Variants in TLN2 observed in about 807,000 individuals in gnomAD.
TLN2 encodes the protein talin-2.
TLN2 carries 118 observed loss-of-function variants against 294.7 expected under a neutral mutation model. The ratio of observed to expected loss-of-function variants is 0.40; its 90% CI spans 0.34 to 0.47. The LOEUF is 0.47. TLN2 is among the 20% of genes least tolerant of loss of function. The pLI, the probability that TLN2 is intolerant of heterozygous loss-of-function variation, is 0.84. For synonymous variants in TLN2, 1,431 were observed against 1,304.5 expected (o/e 1.10, Z -2.09); for missense variants, 3,083 against 3,282.2 (o/e 0.94, Z 1.48).
chr15:62,705,349 C>A (rs1167783899), intron 19 of TLN2, among the ~76,000 whole-genome samples: 1 of 152,176 alleles, frequency 6.6e-6, no homozygotes, highest in African/African-American at 2.4e-5. Context: ...TATCTCAGAG[C>A]TTTTCTTGAT....
intron 9 of TLN2, among the ~76,000 whole-genome samples, chr15:62,659,942 G>A (rs2053631575): frequency 6.6e-6 from 1 of 152,210 alleles, no homozygotes; most frequent in Non-Finnish European, 1.5e-5. Context: ...GAGTTGGATA[G>A]TCAGGTCCTG....
intron 1 of TLN2, among the ~76,000 whole-genome samples, chr15:62,548,996 C>A (rs1351114614): frequency 6.6e-6 from 1 of 152,148 alleles, no homozygotes; most frequent in Non-Finnish European, 1.5e-5. Flanking sequence ...TAATGGTTTG[C>A]CACTGGTCTT....
intron 27 of TLN2, among the ~76,000 whole-genome samples, chr15:62,726,574 C>A (rs1206906063): frequency 6.6e-6 from 1 of 152,144 alleles, no homozygotes; most frequent in Non-Finnish European, 1.5e-5. Flanking sequence ...CATTTCCTTT[C>A]AGTTGGAACT....
intron 1 of TLN2, among the ~76,000 whole-genome samples, chr15:62,509,532 T>G (rs2039818770): frequency 6.6e-6 from 1 of 152,182 alleles, no homozygotes. Flanking sequence ...GCCTTGAGAT[T>G]GAACTTCTGA....
chr15:62,810,120 C>T, intron 52 of TLN2, 88 bp downstream of exon 52: 3 of 1,106,984 alleles, frequency 2.7e-6, no homozygotes, highest in Non-Finnish European at 4.1e-6. Context: ...CTTGGGAAGA[C>T]CTCTCTCAGA....
At chr15:62,835,422 A>G in intron 55 of TLN2, 1 of 407,500 alleles carries the variant, frequency 2.5e-6, no homozygotes, top group South Asian at 3.2e-5. Flanking sequence ...CAGAGGAGTA[A>G]GTGTAGAAAG....
intron 1 of TLN2, among the ~76,000 whole-genome samples, chr15:62,520,216 G>A (rs1008882249): frequency 6.6e-6 from 1 of 152,218 alleles, no homozygotes; most frequent in Non-Finnish European, 1.5e-5. Context: ...AACCATATCA[G>A]TGTCTAAAAT....
At chr15:62,695,900 G>A (rs1444252022) in intron 14 of TLN2, among the ~76,000 whole-genome samples, 3 of 152,178 alleles carry the variant, frequency 2.0e-5, no homozygotes, top group Non-Finnish European at 4.4e-5. Flanking sequence ...AAGTGTCTGA[G>A]CCCAGAGGGC....
In TLN2 at chr15:62,820,486, G is replaced by A. The variant is rs2067471047; in HGVS notation, c.6878G>A (p.Gly2293Glu). ...ELIQAAEAMKGTEWVDPEDPT... is the reference protein window; with the variant it reads ...ELIQAAEAMKETEWVDPEDPT... ...TCACCTTCTTTTGGACTGATTCTAG[G>A]AACAGAGTGGGTGGATCCAGAAGAC... The change falls in exon 54 of 59, where the codon GGA (glycine) becomes GAA (glutamate). Residue 2293 changes from glycine to glutamate, a missense_variant and splice_region_variant. Gly to Glu is a moderately conservative substitution (Grantham distance 98). Transcript: ENST00000636159. The A allele has an allele frequency of 6.2e-7, 1 of 1,613,824 alleles. No individual in the cohort carries two copies. Among genetic ancestry groups the A allele is most frequent in the Non-Finnish European group, 8.5e-7 (1 of 1,179,858 alleles).
chr15:62,707,017 G>A (rs766051685), intron 19 of TLN2, 69 bp from the exon 20 acceptor site: 4 of 1,473,020 alleles, frequency 2.7e-6, no homozygotes, highest in Middle Eastern at 1.8e-4. Context: ...TTTTAATAAC[G>A]TTTATTTTCA....
At chr15:62,494,120 A>C (rs557851018) in intron 1 of TLN2, among the ~76,000 whole-genome samples, 1 of 152,236 alleles carries the variant, frequency 6.6e-6, no homozygotes, top group South Asian at 2.1e-4. Flanking sequence ...TTTTATCTTC[A>C]GTGCTTTTCA....
intron 1 of TLN2, among the ~76,000 whole-genome samples, chr15:62,418,850 A>G (rs1483500836): frequency 1.3e-5 from 2 of 152,210 alleles, no homozygotes; most frequent in Non-Finnish European, 2.9e-5. Context: ...GCAAATCACA[A>G]TGGTGGAATG....
At chr15:62,644,646 G>A (rs2051607866) in intron 3 of TLN2, 3 of 454,710 alleles carry the variant, frequency 6.6e-6, no homozygotes, top group Admixed American at 2.4e-5. Flanking sequence ...TGCGGACCCC[G>A]CAGCCCCAGG....
At chr15:62,457,228 C>T (rs2036533751) in intron 1 of TLN2, among the ~76,000 whole-genome samples, 2 of 152,210 alleles carry the variant, frequency 1.3e-5, no homozygotes, top group African/African-American at 4.8e-5. Context: ...CAGCTGCCTT[C>T]TGGCTGCATC....
chr15:62,725,577 A>T lies in TLN2; in HGVS notation c.3255+473A>T, dbSNP rs1293450895. Among the ~76,000 whole-genome samples the T allele has an allele frequency of 2.0e-5, 3 of 152,334 alleles. No individual in the cohort carries two copies. In the South Asian group the frequency reaches 6.2e-4, roughly 32 times the overall value. ...TGCTTATGTCAGAGTTTTGTTGGCT[A>T]AAACTTTACCAGTCCTCCTCATTTG... On this transcript the variant is annotated intron_variant, in intron 27 of 58. Coordinates refer to ENST00000636159, the MANE Select transcript of TLN2 (RefSeq NM_015059.3).
intron 46 of TLN2, among the ~76,000 whole-genome samples, chr15:62,793,314 TC>T (rs58537366): frequency 0.2 from 30,995 of 152,188 alleles, 3,802 homozygotes; most frequent in Non-Finnish European, 0.28. Context: ...CAGAAACTTG[TC>T]CTCGGTTTTC....
chr15:62,815,229 A>ACT (rs1567666452), intron 52 of TLN2, among the ~76,000 whole-genome samples: 4 of 121,962 alleles, frequency 3.3e-5, no homozygotes, highest in South Asian at 2.7e-4. Context: ...ACACACACAC[A>ACT]CACTCACTCG....
rs890552345 is a variant in TLN2, at chr15:62,487,649, A to G, written c.-238+96964A>G. Among the ~76,000 whole-genome samples the G allele has an allele frequency of 2.7e-5, 4 of 150,592 alleles. No individual in the cohort carries two copies. The East Asian group carries it at 8.1e-4, about 30-fold the overall frequency. On this transcript the variant is annotated intron_variant, in intron 1 of 58. Transcript: ENST00000636159. ...GGAGTTCAAGACCAGCCTGGGCCAC[A>G]TAGGGAGATCCTGACCCTATAAAAA...
chr15:62,805,750 C>G lies in TLN2; in HGVS notation c.6628C>G (p.Arg2210Gly). 3 of 1,613,880 alleles carry G rather than the reference C, an allele frequency of 1.9e-6. No individual in the cohort carries two copies. The highest frequency in any genetic ancestry group is 2.5e-6 in the Non-Finnish European group (3 of 1,179,890). The part of the protein sequence containing the change: ...EDVIATANLS[R>G]KAVSDMLTAC... Reference sequence around the variant, plus strand: ...CGTGATTGCTACTGCCAACCTGAGCCGGAAAGCCGTGTCAGATATGTTGAC... The same window carrying G: ...CGTGATTGCTACTGCCAACCTGAGCGGGAAAGCCGTGTCAGATATGTTGAC... The change falls in exon 51 of 59, where the codon CGG becomes GGG. Residue 2210 changes from arginine to glycine, a missense_variant. Arg to Gly is a moderately radical substitution (Grantham distance 125). Coordinates refer to ENST00000636159, the MANE Select transcript of TLN2 (RefSeq NM_015059.3).
Sources: allele counts gnomAD v4.1 joint callset (sites outside exome capture counted in the v4.1 genomes callset), GRCh38; gene constraint gnomAD v4.1.1; transcripts MANE v1.5; gene names NCBI Gene and HGNC (gene_info 2026-07-23, HGNC 2026-07-21).